APC: variants seen among roughly 807,000 people sequenced by gnomAD.
The protein encoded by APC is APC regulator of Wnt signaling pathway.
APC carries 72 observed loss-of-function variants against 247.0 expected under a neutral mutation model. That is an observed-to-expected ratio of 0.29 (90% CI 0.24 to 0.35). The LOEUF (loss-of-function observed/expected upper bound fraction) is 0.35, where lower values mean the gene tolerates loss of function less well. APC is among the 10% of genes least tolerant of loss of function. The pLI is 1.00. For synonymous variants in APC, 1,254 were observed against 1,162.5 expected (o/e 1.08, Z -1.60); for missense variants, 3,400 against 3,360.7 (o/e 1.01, Z -0.29).
intron 4 of APC, among the ~76,000 whole-genome samples, chr5:112,769,569 T>C (rs1303477442): frequency 6.6e-5 from 10 of 152,206 alleles, no homozygotes; most frequent in Non-Finnish European, 1.5e-4. Flanking sequence ...AAGGAATATC[T>C]TTATTATCTT....
At chr5:112,788,979 C>T (rs1759286500) in intron 6 of APC, among the ~76,000 whole-genome samples, 1 of 151,948 alleles carries the variant, frequency 6.6e-6, no homozygotes, top group Non-Finnish European at 1.5e-5. Flanking sequence ...TCTTCTTTTT[C>T]TTGTCTTGAC....
intron 8 of APC, among the ~76,000 whole-genome samples, chr5:112,804,781 G>C (rs1474824182): frequency 1.3e-5 from 2 of 152,022 alleles, no homozygotes; most frequent in Non-Finnish European, 2.9e-5. Flanking sequence ...ATTGCTTCAG[G>C]GTAGAAGTTC....
At chr5:112,771,662 T>C (rs1173665163) in intron 4 of APC, among the ~76,000 whole-genome samples, 1 of 152,190 alleles carries the variant, frequency 6.6e-6, no homozygotes, top group Admixed American at 6.6e-5. Flanking sequence ...TTTTGAATGT[T>C]TTGGTATGCA....
Position 112,839,666 on chromosome 5 carries a change from G to A in APC, c.4072G>A (p.Ala1358Thr), listed in dbSNP as rs139618756. 1.6e-4 allele frequency: 256 copies of A among 1,613,982 alleles called. No homozygotes were observed. The highest frequency in any genetic ancestry group is 2.1e-4 in the Non-Finnish European group (251 of 1,180,032). ...RHKAVEFSSG[A>T]KSPSKSGAQT... is the part of the protein sequence containing the mutation. ...CAAAGCTGTTGAATTTTCTTCAGGA[G>A]CGAAATCTCCCTCCAAAAGTGGTGC... The change falls in exon 16 of 16, where the codon GCG becomes ACG. Residue 1358 changes from alanine (A) to threonine (T), a missense_variant. Around this residue, in one of 9 missense-constraint regions of APC, gnomAD observed 715 missense variants for 656.6 expected, o/e 1.09. Coordinates refer to ENST00000257430, the MANE Select transcript of APC (RefSeq NM_000038.6). The surrounding 1 kb of genome is among the most constrained non-coding windows in gnomAD (Gnocchi z 5.0).
intron 13 of APC, among the ~76,000 whole-genome samples, chr5:112,828,454 A>G (rs1482564126): frequency 5.2e-5 from 5 of 96,316 alleles, no homozygotes; most frequent in African/African-American, 1.7e-4. Flanking sequence ...TTTAGGAGGA[A>G]TTTAAAAAAA....
Position 112,753,942 on chromosome 5 carries a change from T to C in APC, c.-18-931T>C, listed in dbSNP as rs550427653. ...GATTTGACCTAAACTAAAAAGAGAA[T>C]GTGGATCTCCTGAATCTTACTTGGT... is the stretch of plus-strand genomic sequence containing the variant. On this transcript the variant is annotated intron_variant, in intron 1 of 15. Coordinates refer to ENST00000257430, the MANE Select transcript of APC (RefSeq NM_000038.6). 1.3e-4 allele frequency among the ~76,000 whole-genome samples: 20 copies of C among 152,358 alleles called. No individual in the cohort carries two copies. Among genetic ancestry groups the C allele is most frequent in the Non-Finnish European group, 2.9e-4 (20 of 68,018 alleles).
intron 4 of APC, among the ~76,000 whole-genome samples, chr5:112,768,132 C>T (rs1756575721): frequency 6.6e-6 from 1 of 151,268 alleles, no homozygotes; most frequent in South Asian, 2.1e-4. Context: ...CAACCTCTGC[C>T]TCCCAGGTTC....
At chr5:112,755,074 A>G (rs1754808726) in intron 2 of APC, 49 bp downstream of exon 2, 2 of 1,609,524 alleles carry the variant, frequency 1.2e-6, no homozygotes, top group South Asian at 1.1e-5. Context: ...TTTATTCAGT[A>G]TTCCCTCTTG....
intron 6 of APC, among the ~76,000 whole-genome samples, chr5:112,790,060 A>G (rs948576232): frequency 6.6e-6 from 1 of 151,568 alleles, no homozygotes; most frequent in African/African-American, 2.4e-5. Context: ...GGGTTTCACC[A>G]TGTTCCCTAG....
rs528514432 is a variant in APC, at chr5:112,834,184, G to T, written c.1744-767G>T. 8.1e-5 allele frequency among the ~76,000 whole-genome samples: 12 copies of T among 148,476 alleles called. No individual in the cohort carries two copies. In the East Asian group the frequency reaches 2.4e-3, roughly 29 times the overall value. On this transcript the variant is annotated intron_variant, in intron 14 of 15. Transcript: ENST00000257430. The stretch of plus-strand genomic sequence containing the variant: ...CTCAAATTCCTAAACTCCCAGTCAC[G>T]CCAGTCAGCCTTCCAAAGTGCTGGG...
At chr5:112,812,768 T>C (rs1047443830) in intron 8 of APC, among the ~76,000 whole-genome samples, 2 of 152,204 alleles carry the variant, frequency 1.3e-5, no homozygotes, top group South Asian at 2.1e-4. Context: ...GAATGTCTTA[T>C]TCATTTATAT....
Position 112,838,659 on chromosome 5 carries a change from A to G in APC, c.3065A>G (p.Asp1022Gly), listed in dbSNP as rs1765328779. ...ATGGATGATAATGATGGAGAACTAG[A>G]TACACCAATAAATTATAGTCTTAAA... Reference protein sequence around the residue: ...NHMDDNDGELDTPINYSLKYS... With the variant: ...NHMDDNDGELGTPINYSLKYS... The change falls in exon 16 of 16, where the codon GAT (aspartate) becomes GGT (glycine). Residue 1022 changes from aspartate (D) to glycine (G), a missense_variant. Coordinates refer to ENST00000257430, the MANE Select transcript of APC (RefSeq NM_000038.6). 2 of 1,614,200 alleles carry G rather than the reference A, an allele frequency of 1.2e-6. No homozygotes were observed. Among genetic ancestry groups the G allele is most frequent in the Non-Finnish European group, 1.7e-6 (2 of 1,180,036 alleles).
chr5:112,776,335 C>G (rs917415262), intron 5 of APC, among the ~76,000 whole-genome samples: 1 of 152,082 alleles, frequency 6.6e-6, no homozygotes, highest in Admixed American at 6.6e-5. Context: ...CTGAAAAGAT[C>G]GAACCTGCAT....
chr5:112,755,152 C>G, intron 2 of APC, 127 bp downstream of exon 2: 1 of 1,337,348 alleles, frequency 7.5e-7, no homozygotes, highest in Non-Finnish European at 1.0e-6. Flanking sequence ...TAAACTCTTT[C>G]TTGCAAAAGT....
chr5:112,837,468 A>T, intron 15 of APC, 85 bp from the exon 16 acceptor site: 1 of 938,930 alleles, frequency 1.1e-6, no homozygotes, highest in Non-Finnish European at 1.7e-6. Context: ...CAATCATATT[A>T]TGCCTTTTGT....
rs561573185 is a variant in APC at position 112,793,621 on chromosome 5, A to G, written c.729+1092A>G. Among the ~76,000 whole-genome samples, 40 of 152,362 alleles carry G rather than the reference A, an allele frequency of 2.6e-4. 1 individual carries two copies. In the East Asian group the frequency reaches 6.9e-3, roughly 26 times the overall value. On this transcript the variant is annotated intron_variant, in intron 7 of 15. Transcript: ENST00000257430. Reference sequence around the variant, plus strand: ...TTTTTCATAGATAGCCCGCTCTTAAATATGAGTGGACACTAACTACCAGAC... The same window carrying G: ...TTTTTCATAGATAGCCCGCTCTTAAGTATGAGTGGACACTAACTACCAGAC...
At chr5:112,809,926 G>A (rs533742440) in intron 8 of APC, among the ~76,000 whole-genome samples, 1 of 152,142 alleles carries the variant, frequency 6.6e-6, no homozygotes, top group Non-Finnish European at 1.5e-5. Flanking sequence ...GAACCCAGGA[G>A]GGAGAGGTTG....
rs562201671 is a variant in APC, at chr5:112,841,369, C to T, written c.5775C>T (p.Pro1925=). ...CAATAAATCGAGGTCAGCCTAAACC[C>T]ATACTTCAGAAACAATCCACTTTTC... ...KQPINRGQPK[P]ILQKQSTFPQ... is the part of the protein sequence containing the mutation. The change falls in exon 16 of 16, where the codon CCC becomes CCT. Residue 1925 remains proline, a synonymous_variant. Coordinates refer to ENST00000257430, the MANE Select transcript of APC (RefSeq NM_000038.6). This position sits in a 1 kb window ranked among gnomAD's most constrained non-coding sequence, Gnocchi z 4.6. 27 of 1,613,608 alleles carry T rather than the reference C, an allele frequency of 1.7e-5. No individual in the cohort carries two copies. The South Asian group carries it at 2.6e-4, about 16-fold the overall frequency.
At chr5:112,819,450 G>GA in intron 10 of APC, 106 bp downstream of exon 10, 1 of 1,405,630 alleles carries the variant, frequency 7.1e-7, no homozygotes, top group Admixed American at 1.9e-5. Context: ...ACTAAGAGGA[G>GA]AAAATTCATA....
Sources: gnomAD v4.1 joint callset for allele counts (sites outside exome capture counted in the v4.1 genomes callset) on GRCh38, gnomAD v4.1.1 for gene constraint, gnomAD v4.1.1 regional missense constraint, Gnocchi (gnomAD v3.1) non-coding constraint, MANE v1.5 for transcripts, NCBI Gene and HGNC (gene_info 2026-07-23, HGNC 2026-07-21) for gene names.